MSH3: variants seen among roughly 807,000 people sequenced by gnomAD.
MSH3 encodes the protein mutS homolog 3.
Under a neutral mutation model 123.3 loss-of-function variants are expected in MSH3, and 106 were observed. That is an observed-to-expected ratio of 0.86 (90% CI 0.73 to 1.01). The LOEUF (loss-of-function observed/expected upper bound fraction) is 1.01. MSH3 is among the 50% of genes least tolerant of loss of function. The probability of loss-of-function intolerance (pLI) is 0.00; values close to 1 mark genes in which losing one functional copy is unlikely to be tolerated. For missense variants in MSH3, 1,459 were observed against 1,347.6 expected (o/e 1.08, Z -1.29); for synonymous variants, 515 against 481.4 (o/e 1.07, Z -0.91).
intron 12 of MSH3, chr5:80,746,369 A>G: frequency 2.5e-6 from 1 of 400,936 alleles, no homozygotes; most frequent in Non-Finnish European, 4.9e-6. Context: ...TTCGCTTGGC[A>G]TACCTGGGTT....
chr5:80,778,625 T>A, intron 16 of MSH3, 95 bp from the exon 17 acceptor site: 1 of 782,168 alleles, frequency 1.3e-6, no homozygotes, highest in Non-Finnish European at 2.3e-6. Flanking sequence ...TCAAGGTTCA[T>A]CAGAGAATAA....
chr5:80,738,951 A>G (rs756873219), intron 10 of MSH3, among the ~76,000 whole-genome samples: 33 of 152,334 alleles, frequency 2.2e-4, no homozygotes, highest in Non-Finnish European at 4.7e-4. Context: ...GGTGCCATCT[A>G]TGGGGACTGA....
chr5:80,824,169 C>T (rs1745249206), intron 20 of MSH3, among the ~76,000 whole-genome samples: 1 of 152,250 alleles, frequency 6.6e-6, no homozygotes, highest in African/African-American at 2.4e-5. Flanking sequence ...TTCCACAAAA[C>T]CGCCATCGTC....
intron 7 of MSH3, among the ~76,000 whole-genome samples, chr5:80,678,391 T>C (rs558298772): frequency 6.6e-6 from 1 of 152,358 alleles, no homozygotes; most frequent in South Asian, 2.1e-4. Flanking sequence ...TACTTGGGCT[T>C]CATTCAGAGT....
At chr5:80,771,565 C>G (rs1744214018) in intron 15 of MSH3, among the ~76,000 whole-genome samples, 1 of 151,632 alleles carries the variant, frequency 6.6e-6, no homozygotes, top group African/African-American at 2.4e-5. Flanking sequence ...ATATGATTAT[C>G]TCTGAGAAGT....
chr5:80,711,185 GC>G (rs750578699), intron 8 of MSH3, among the ~76,000 whole-genome samples: 25 of 152,166 alleles, frequency 1.6e-4, no homozygotes, highest in Non-Finnish European at 2.9e-5. Context: ...CTTTTGAACA[GC>G]CCAGCTCTCA....
At chr5:80,824,710 A>G (rs1394691779) in intron 20 of MSH3, among the ~76,000 whole-genome samples, 4 of 152,218 alleles carry the variant, frequency 2.6e-5, no homozygotes, top group African/African-American at 4.8e-5. Context: ...TCACAAGTCT[A>G]CAAGTATACA....
chr5:80,754,451 T>G (rs1743888300), intron 12 of MSH3, among the ~76,000 whole-genome samples: 1 of 152,150 alleles, frequency 6.6e-6, no homozygotes, highest in Admixed American at 6.6e-5. Flanking sequence ...GTCAGGGAAT[T>G]TCTAATCTAA....
chr5:80,870,934 G>T (rs1314886992), intron 22 of MSH3, among the ~76,000 whole-genome samples: 1 of 144,788 alleles, frequency 6.9e-6, no homozygotes, highest in East Asian at 1.9e-4. Flanking sequence ...TGCACATTTT[G>T]CAGCACAATT....
intron 12 of MSH3, among the ~76,000 whole-genome samples, chr5:80,749,696 T>G (rs1172806173): frequency 1.3e-5 from 2 of 152,194 alleles, no homozygotes; most frequent in Non-Finnish European, 2.9e-5. Context: ...ATCTATCACC[T>G]CAAACATTTA....
chr5:80,840,748 C>T (rs1745607102), intron 20 of MSH3, among the ~76,000 whole-genome samples: 1 of 151,904 alleles, frequency 6.6e-6, no homozygotes, highest in African/African-American at 2.4e-5. Context: ...CTCCCCCAGC[C>T]CCCTACCCCT....
intron 12 of MSH3, among the ~76,000 whole-genome samples, chr5:80,757,958 C>G (rs1234686621): frequency 6.6e-6 from 1 of 152,142 alleles, no homozygotes; most frequent in Non-Finnish European, 1.5e-5. Flanking sequence ...TGGAATTATA[C>G]CTAACCGCAG....
intron 15 of MSH3, among the ~76,000 whole-genome samples, chr5:80,774,148 G>C (rs997251431): frequency 3.3e-5 from 5 of 152,166 alleles, no homozygotes; most frequent in Non-Finnish European, 5.9e-5. Flanking sequence ...TGAATGGTGT[G>C]ATAGAACTTC....
At chr5:80,734,551 T>C (rs1743468248) in intron 10 of MSH3, among the ~76,000 whole-genome samples, 1 of 152,236 alleles carries the variant, frequency 6.6e-6, no homozygotes, top group South Asian at 2.1e-4. Flanking sequence ...TTTAATTCTG[T>C]TCTTAAGGCA....
chr5:80,675,519 G>A (rs189811264), intron 7 of MSH3, among the ~76,000 whole-genome samples: 4 of 152,120 alleles, frequency 2.6e-5, no homozygotes, highest in African/African-American at 4.8e-5. Flanking sequence ...AGGAGAGAGA[G>A]TGAAGGGGGA....
intron 20 of MSH3, among the ~76,000 whole-genome samples, chr5:80,820,889 T>A (rs191555995): frequency 1.3e-5 from 2 of 152,268 alleles, no homozygotes; most frequent in East Asian, 3.9e-4. Context: ...TAAGAGGAGA[T>A]TTGCACTTCA....
intron 8 of MSH3, among the ~76,000 whole-genome samples, chr5:80,695,007 AT>A (rs1219310075): frequency 2.1e-5 from 3 of 143,026 alleles, no homozygotes; most frequent in Admixed American, 7.1e-5. Context: ...CTGAAAGTTG[AT>A]GTCTCTTGCC....
chr5:80,687,585 G>T (rs1750121730), intron 8 of MSH3, among the ~76,000 whole-genome samples: 1 of 152,086 alleles, frequency 6.6e-6, no homozygotes, highest in Admixed American at 6.6e-5. Flanking sequence ...GAGGGGGGAA[G>T]GGTATGTTGT....
chr5:80,776,930 T>TA (rs1451848777), intron 16 of MSH3, among the ~76,000 whole-genome samples: 1,295 of 114,596 alleles, frequency 0.011, 16 homozygotes, highest in African/African-American at 0.036. Context: ...ATATATATAT[T>TA]TTTTTTTTTT....
Sources: allele counts gnomAD v4.1 joint callset (sites outside exome capture counted in the v4.1 genomes callset), GRCh38; gene constraint gnomAD v4.1.1; transcripts MANE v1.5; gene names NCBI Gene and HGNC (gene_info 2026-07-23, HGNC 2026-07-21).